SPDYE10: variants seen among roughly 807,000 people sequenced by gnomAD.
SPDYE10 encodes speedy protein E10.
chr7:73,128,256 G>A, the SPDYE10 span, among the ~76,000 whole-genome samples: 2 of 146,634 alleles, frequency 1.4e-5, no homozygotes, highest in East Asian at 3.9e-4. Context: ...TATGATACCA[G>A]TTATATACAA....
At chr7:73,145,120 TTTCTTTTC>T in the SPDYE10 span, among the ~76,000 whole-genome samples, 2 of 143,076 alleles carry the variant, frequency 1.4e-5, no homozygotes, top group African/African-American at 2.9e-5. Flanking sequence ...TCTTTCTTTC[TTTCTTTTC>T]TTTCTTTCTT....
chr7:73,145,283 G>C, the SPDYE10 span, among the ~76,000 whole-genome samples: 2 of 121,698 alleles, frequency 1.6e-5, no homozygotes, highest in African/African-American at 3.4e-5. Flanking sequence ...GGTCTTGCCT[G>C]GCTGCCCAGA....
the SPDYE10 span, chr7:73,154,857 G>T: frequency 5.4e-6 from 1 of 183,768 alleles, no homozygotes. Context: ...CCCCCCAGGC[G>T]GACTACAAGT....
the SPDYE10 span, among the ~76,000 whole-genome samples, chr7:73,123,219 C>T: frequency 1.3e-5 from 2 of 152,214 alleles, no homozygotes; most frequent in Admixed American, 6.5e-5. Context: ...TAGCTCTTGC[C>T]TGAGCCTCTG....
At chr7:73,137,624 AAGAAAG>A in the SPDYE10 span, among the ~76,000 whole-genome samples, 2 of 143,562 alleles carry the variant, frequency 1.4e-5, no homozygotes, top group Admixed American at 7.0e-5. Context: ...GAAAGAAAGA[AAGAAAG>A]AAAGAAAGAA....
chr7:73,113,729 A>T, the SPDYE10 span, among the ~76,000 whole-genome samples: 63 of 151,936 alleles, frequency 4.1e-4, no homozygotes, highest in Non-Finnish European at 4.7e-4. Flanking sequence ...CCGCATCTCT[A>T]CTAAAAATAC....
the SPDYE10 span, among the ~76,000 whole-genome samples, chr7:73,134,565 G>GAA: frequency 6.6e-6 from 1 of 152,024 alleles, no homozygotes; most frequent in South Asian, 2.1e-4. Flanking sequence ...AAGAAAGAAA[G>GAA]AAACCGTGCA....
chr7:73,131,532 T>TA, the SPDYE10 span, among the ~76,000 whole-genome samples: 1 of 146,590 alleles, frequency 6.8e-6, no homozygotes, highest in Non-Finnish European at 1.5e-5. Context: ...GCTTTCTTTT[T>TA]ATTTTTCTTT....
At chr7:73,152,502 G>GCCTCTC in the SPDYE10 span, among the ~76,000 whole-genome samples, 2 of 36,698 alleles carry the variant, frequency 5.4e-5, no homozygotes, top group Non-Finnish European at 9.1e-5. Context: ...TCCTGCCTCA[G>GCCTCTC]GAGAAGGCAC....
the SPDYE10 span, among the ~76,000 whole-genome samples, chr7:73,147,359 G>A: frequency 1.6e-5 from 2 of 124,486 alleles, no homozygotes; most frequent in Non-Finnish European, 3.3e-5. Flanking sequence ...TAGTAGAGAC[G>A]GGATCTCACC....
the SPDYE10 span, among the ~76,000 whole-genome samples, chr7:73,113,774 G>A: frequency 6.6e-6 from 1 of 152,132 alleles, no homozygotes; most frequent in Admixed American, 6.5e-5. Flanking sequence ...CATGGCTCAT[G>A]CCTGTAATCC....
At chr7:73,118,150 CAAA>C in the SPDYE10 span, among the ~76,000 whole-genome samples, 36 of 6,204 alleles carry the variant, frequency 5.8e-3, 1 homozygote, top group East Asian at 0.045. Context: ...GACTCTCTGT[CAAA>C]AAAAAAAAAA....
the SPDYE10 span, among the ~76,000 whole-genome samples, chr7:73,141,144 C>T: frequency 5.9e-5 from 9 of 152,122 alleles, no homozygotes; most frequent in Admixed American, 5.2e-4. Flanking sequence ...GCTTGAATGC[C>T]AACTGCATCA....
chr7:73,135,865 C>G, the SPDYE10 span, among the ~76,000 whole-genome samples: 1 of 120,876 alleles, frequency 8.3e-6, no homozygotes, highest in Non-Finnish European at 1.7e-5. Context: ...CACCACCGCA[C>G]CCGGTCTTTT....
chr7:73,113,854 C>T, the SPDYE10 span, among the ~76,000 whole-genome samples: 1 of 151,936 alleles, frequency 6.6e-6, no homozygotes. Context: ...GCTAACACCC[C>T]ATCTCTGCTA....
chr7:73,135,930 G>C, the SPDYE10 span, among the ~76,000 whole-genome samples: 3 of 51,766 alleles, frequency 5.8e-5, no homozygotes, highest in African/African-American at 2.7e-4. Context: ...GCCCAGGCTG[G>C]AATGCAATGG....
the SPDYE10 span, among the ~76,000 whole-genome samples, chr7:73,142,620 G>A: frequency 6.6e-6 from 1 of 152,114 alleles, no homozygotes; most frequent in Non-Finnish European, 1.5e-5. Context: ...CAGCACCATG[G>A]GGCAGAACTG....
the SPDYE10 span, among the ~76,000 whole-genome samples, chr7:73,113,949 C>A: frequency 6.6e-6 from 1 of 151,718 alleles, no homozygotes; most frequent in Non-Finnish European, 1.5e-5. Context: ...TGGCGTGAAC[C>A]CAGGAGGCGG....
chr7:73,114,923 T>C, the SPDYE10 span, among the ~76,000 whole-genome samples: 4 of 149,538 alleles, frequency 2.7e-5, no homozygotes. Context: ...TTTTTTTTTT[T>C]TGAGACGGAG....
Sources: allele counts gnomAD v4.1 joint callset (sites outside exome capture counted in the v4.1 genomes callset), GRCh38; gene constraint gnomAD v4.1.1; transcripts MANE v1.5; gene names NCBI Gene and HGNC (gene_info 2026-07-23, HGNC 2026-07-21).